NTN4: variants seen among roughly 807,000 people sequenced by gnomAD.
NTN4 encodes netrin-4.
A neutral mutation model predicts 73.6 loss-of-function variants in NTN4; 32 were observed. The observed-to-expected ratio is 0.44, with a 90% CI of 0.33 to 0.58. The LOEUF (loss-of-function observed/expected upper bound fraction) is 0.58, where lower values mean the gene tolerates loss of function less well. Ranked by LOEUF, NTN4 falls within the 20% of genes least tolerant of loss-of-function variation. The pLI is 0.04. For synonymous variants in NTN4, 258 were observed against 287.5 expected (o/e 0.90, Z 1.04); for missense variants, 654 against 798.3 (o/e 0.82, Z 2.18).
At chr12:95,738,407 A>G (rs1362161452) in intron 2 of NTN4, among the ~76,000 whole-genome samples, 1 of 152,202 alleles carries the variant, frequency 6.6e-6, no homozygotes. Context: ...CCATACAAAG[A>G]TCTTGCCAGG....
chr12:95,719,565 A>C (rs890486139), intron 3 of NTN4, among the ~76,000 whole-genome samples: 3 of 152,222 alleles, frequency 2.0e-5, no homozygotes, highest in Non-Finnish European at 2.9e-5. Flanking sequence ...TTATTCATGA[A>C]AAGAAATAAA....
chr12:95,664,166 AC>A (rs1488659994), intron 9 of NTN4, among the ~76,000 whole-genome samples: 1 of 151,758 alleles, frequency 6.6e-6, no homozygotes, highest in Non-Finnish European at 1.5e-5. Flanking sequence ...TGATCCTCCT[AC>A]CTCAGCCTTC....
intron 8 of NTN4, among the ~76,000 whole-genome samples, chr12:95,666,952 A>G (rs541596728): frequency 6.6e-5 from 10 of 152,294 alleles, no homozygotes; most frequent in African/African-American, 2.4e-4. Flanking sequence ...AAGTCTGTGC[A>G]TAATTTTTGT....
rs373713634 is a variant in NTN4 at position 95,691,473 on chromosome 12, A to G, written c.1181-7762T>C. Among the ~76,000 whole-genome samples the G allele has an allele frequency of 6.6e-5, 10 of 152,244 alleles. No homozygotes were observed. The East Asian group carries it at 1.9e-3, about 29-fold the overall frequency. On this transcript the variant is annotated intron_variant, in intron 5 of 9. Transcript: ENST00000343702. ...TGCAGTGGCGTAATCTTGGCTGACT[A>G]CAACCTCCGCCTCCCAGGTTCAAGC...
chr12:95,737,744 T>A, intron 3 of NTN4, 122 bp downstream of exon 3: 1 of 842,546 alleles, frequency 1.2e-6, no homozygotes, highest in South Asian at 1.8e-5. Context: ...GAGTATGGAG[T>A]CGGAGCTGTG....
rs1381082461 is a variant in NTN4 at position 95,787,365 on chromosome 12, G to A, written c.159C>T (p.Cys53=). The stretch of plus-strand genomic sequence containing the variant: ...AGTACAGTTCGGTAGCATTCTGACC[G>A]CAGGTGGTGTCTGCCCAGAGTTTTC... ...LGRKLWADTT[C]GQNATELYCF... is the part of the protein sequence containing the mutation. Residue 53 remains cysteine, a synonymous_variant, in exon 2 of 10, where the codon TGC becomes TGT. Coordinates refer to ENST00000343702, the MANE Select transcript of NTN4 (RefSeq NM_021229.4). The A allele has an allele frequency of 1.9e-6, 3 of 1,614,188 alleles. No homozygotes were observed. The highest frequency in any genetic ancestry group is 2.2e-5 in the East Asian group (1 of 44,886).
intron 9 of NTN4, among the ~76,000 whole-genome samples, chr12:95,662,309 G>T (rs538624256): frequency 6.9e-6 from 1 of 144,682 alleles, no homozygotes; most frequent in East Asian, 2.1e-4. Flanking sequence ...GAACTCTGTA[G>T]CCTCCACCTC....
intron 2 of NTN4, among the ~76,000 whole-genome samples, chr12:95,782,733 A>T (rs1376498892): frequency 6.6e-6 from 1 of 152,158 alleles, no homozygotes; most frequent in Non-Finnish European, 1.5e-5. Flanking sequence ...AAATTTTAAA[A>T]ATCTGTGTGC....
chr12:95,667,772 A>C (rs895624543), intron 8 of NTN4, among the ~76,000 whole-genome samples: 2 of 152,086 alleles, frequency 1.3e-5, no homozygotes, highest in African/African-American at 4.8e-5. Context: ...AGCCAGGAGA[A>C]ATGCTTGAAA....
chr12:95,760,727 G>A (rs1215719416), intron 2 of NTN4, among the ~76,000 whole-genome samples: 1 of 150,410 alleles, frequency 6.6e-6, no homozygotes, highest in Non-Finnish European at 1.5e-5. Context: ...TTGTAGTGGG[G>A]AAAGAAGAGG....
chr12:95,670,292 A>G (rs2078217543), intron 7 of NTN4, 146 bp from the exon 8 acceptor site: 1 of 457,372 alleles, frequency 2.2e-6, no homozygotes, highest in Admixed American at 4.2e-5. Context: ...AGGAACCACG[A>G]AAGTCATTCA....
rs1321976438 is a variant in NTN4 at position 95,658,821 on chromosome 12, T to C, written c.*265A>G. The C allele has an allele frequency of 7.3e-6, 2 of 274,274 alleles. No homozygotes were observed. Among genetic ancestry groups the C allele is most frequent in the African/African-American group, 4.4e-5 (2 of 45,746 alleles). The allele number at this position is 274,274 out of a possible 1,614,324, so 17.0% of individuals were successfully genotyped here. On this transcript the variant is annotated 3_prime_UTR_variant, in exon 10 of 10. Coordinates refer to ENST00000343702, the MANE Select transcript of NTN4 (RefSeq NM_021229.4). ...ATTACTGCTAAATGTCATGCTGCTA[T>C]TAAAATATTCTTAATAGTTAAGAAT...
chr12:95,737,738 A>G (rs915600809), intron 3 of NTN4, 128 bp downstream of exon 3: 2 of 786,306 alleles, frequency 2.5e-6, no homozygotes, highest in South Asian at 3.7e-5. Flanking sequence ...TAGGATGAGT[A>G]TGGAGTCGGA....
chr12:95,687,925 GAGA>G (rs557168215), intron 5 of NTN4, among the ~76,000 whole-genome samples: 153 of 152,264 alleles, frequency 1.0e-3, no homozygotes, highest in South Asian at 8.5e-3. Flanking sequence ...TGGGGAATGT[GAGA>G]AGTTTAGTGT....
chr12:95,667,795 G>A (rs1465130428), intron 8 of NTN4, among the ~76,000 whole-genome samples: 1 of 152,044 alleles, frequency 6.6e-6, no homozygotes, highest in Non-Finnish European at 1.5e-5. Flanking sequence ...GGGAGGCAGA[G>A]GTTGCAGTGA....
chr12:95,697,586 C>T (rs2078451676), intron 5 of NTN4, among the ~76,000 whole-genome samples: 2 of 150,338 alleles, frequency 1.3e-5, no homozygotes, highest in South Asian at 4.2e-4. Flanking sequence ...TACTACATGG[C>T]TATTTATCAG....
At chr12:95,703,950 T>A (rs780266683) in intron 5 of NTN4, among the ~76,000 whole-genome samples, 1 of 152,118 alleles carries the variant, frequency 6.6e-6, no homozygotes, top group Non-Finnish European at 1.5e-5. Context: ...TTTTAAGAGA[T>A]GGGAAATTTC....
intron 2 of NTN4, among the ~76,000 whole-genome samples, chr12:95,773,071 C>T (rs947182126): frequency 1.1e-4 from 17 of 151,630 alleles, no homozygotes; most frequent in African/African-American, 2.4e-4. Context: ...GGCACGATCT[C>T]GGCTCACTGC....
At chr12:95,659,321 G>C in intron 9 of NTN4, 99 bp from the exon 10 acceptor site, 1 of 900,436 alleles carries the variant, frequency 1.1e-6, no homozygotes, top group South Asian at 1.9e-5. Flanking sequence ...TTTGAGACAA[G>C]GTCTTGCTCT....
Sources: allele counts gnomAD v4.1 joint callset (sites outside exome capture counted in the v4.1 genomes callset), GRCh38; gene constraint gnomAD v4.1.1; transcripts MANE v1.5; gene names NCBI Gene and HGNC (gene_info 2026-07-23, HGNC 2026-07-21).